Variants in TRABD2B observed in about 807,000 individuals in gnomAD.
TRABD2B encodes the protein TraB domain containing 2B.
TRABD2B carries 14 observed loss-of-function variants against 40.1 expected under a neutral mutation model. The observed-to-expected ratio is 0.35, with a 90% CI of 0.23 to 0.55. TRABD2B has a LOEUF of 0.55. TRABD2B is among the 20% of genes least tolerant of loss of function. The pLI, the probability that TRABD2B is intolerant of heterozygous loss-of-function variation, is 0.90. For missense variants in TRABD2B, 541 were observed against 648.6 expected (o/e 0.83, Z 1.80); for synonymous variants, 263 against 277.0 (o/e 0.95, Z 0.50).
chr1:47,938,050 G>T (rs970715207), intron 2 of TRABD2B, among the ~76,000 whole-genome samples: 1 of 152,170 alleles, frequency 6.6e-6, no homozygotes, highest in Non-Finnish European at 1.5e-5. Flanking sequence ...GCCGCAAATG[G>T]GGCCTAAATT....
At chr1:47,782,899 C>G (rs565246896) in intron 4 of TRABD2B, among the ~76,000 whole-genome samples, 2 of 152,326 alleles carry the variant, frequency 1.3e-5, no homozygotes, top group South Asian at 2.1e-4. Context: ...CTCCCCAGGT[C>G]TCCTGGCCAC....
chr1:47,992,663 G>GGATATTCA (rs1646029244), intron 2 of TRABD2B, among the ~76,000 whole-genome samples: 2 of 152,356 alleles, frequency 1.3e-5, no homozygotes, highest in South Asian at 2.1e-4. Flanking sequence ...AGCTCCCGAG[G>GGATATTCA]CTGGCAAGGG....
At chr1:47,980,190 CA>C (rs1487567202) in intron 2 of TRABD2B, among the ~76,000 whole-genome samples, 1 of 152,232 alleles carries the variant, frequency 6.6e-6, no homozygotes, top group East Asian at 1.9e-4. Context: ...TATATTCCTT[CA>C]ATCCGGATCA....
At chr1:47,797,672 C>T (rs1209997497) in intron 3 of TRABD2B, among the ~76,000 whole-genome samples, 2 of 152,136 alleles carry the variant, frequency 1.3e-5, no homozygotes, top group African/African-American at 4.8e-5. Flanking sequence ...GCATTCTCTG[C>T]ATGTTTCATG....
At chr1:47,948,765 C>CAA (rs1645296455) in intron 2 of TRABD2B, among the ~76,000 whole-genome samples, 1 of 152,124 alleles carries the variant, frequency 6.6e-6, no homozygotes, top group East Asian at 1.9e-4. Context: ...ATTCCTCCTT[C>CAA]AAAATTTCAA....
At chr1:47,926,564 C>A (rs915408654) in intron 2 of TRABD2B, among the ~76,000 whole-genome samples, 1 of 152,204 alleles carries the variant, frequency 6.6e-6, no homozygotes, top group Admixed American at 6.5e-5. Flanking sequence ...CCTCCCTTGG[C>A]ATCCACCTAG....
At chr1:47,918,693 GGAAA>G (rs5773972) in intron 2 of TRABD2B, among the ~76,000 whole-genome samples, 69,555 of 151,700 alleles carry the variant, frequency 0.46, 17,718 homozygotes, top group Middle Eastern at 0.61. Context: ...AGACGGGGAC[GGAAA>G]GAAAGGACTC....
intron 2 of TRABD2B, among the ~76,000 whole-genome samples, chr1:47,976,293 T>G (rs749752772): frequency 1.3e-5 from 2 of 152,184 alleles, no homozygotes; most frequent in African/African-American, 4.8e-5. Flanking sequence ...CCTGCAGGGT[T>G]TGTAGAAAAA....
At chr1:47,815,744 G>A (rs1645021642) in intron 2 of TRABD2B, among the ~76,000 whole-genome samples, 1 of 150,752 alleles carries the variant, frequency 6.6e-6, no homozygotes. Flanking sequence ...TGAGGGTTGT[G>A]TAAGAATGTG....
At chr1:47,784,658 GT>G (rs997550541) in intron 4 of TRABD2B, among the ~76,000 whole-genome samples, 3 of 152,138 alleles carry the variant, frequency 2.0e-5, no homozygotes, top group African/African-American at 4.8e-5. Context: ...CTATGGCGGT[GT>G]TTTTTTTCCT....
chr1:47,816,912 T>C lies in TRABD2B; in HGVS notation c.667-15293A>G, dbSNP rs12024792. On this transcript the variant is annotated intron_variant, in intron 2 of 6. Transcript: ENST00000606738. ...TTCCTGAGGTCACACAGCAAGTAAG[T>C]GGTGGATGAATGAAAATAGTCTAGC... Among the ~76,000 whole-genome samples, 2,910 of 152,224 alleles carry C rather than the reference T, an allele frequency of 0.019. 162 individuals carry two copies. The East Asian group carries it at 0.21, about 11-fold the overall frequency.
At chr1:47,796,703 T>C (rs181022092) in intron 3 of TRABD2B, among the ~76,000 whole-genome samples, 149 of 152,340 alleles carry the variant, frequency 9.8e-4, no homozygotes, top group African/African-American at 3.1e-3. Context: ...CCCCTAACCT[T>C]GTGCAGTGCG....
intron 6 of TRABD2B, among the ~76,000 whole-genome samples, chr1:47,772,603 C>T (rs527603649): frequency 1.3e-5 from 2 of 152,026 alleles, no homozygotes; most frequent in African/African-American, 4.8e-5. Flanking sequence ...AATGGGGTTT[C>T]GGAGGAGAAA....
Position 47,803,795 on chromosome 1 carries a change from C to T in TRABD2B, c.667-2176G>A, listed in dbSNP as rs138491898. Among the ~76,000 whole-genome samples the T allele has an allele frequency of 2.3e-3, 348 of 152,292 alleles. 1 individual carries two copies. The highest frequency in any genetic ancestry group is 7.7e-3 in the African/African-American group (320 of 41,558). On this transcript the variant is annotated intron_variant, in intron 2 of 6. Coordinates refer to ENST00000606738, the MANE Select transcript of TRABD2B (RefSeq NM_001194986.2). ...TGTGCCTGGTGAAGATAAAGTGTCA[C>T]TTCATTGTTTCTTTATTTCTTTGAC... is the stretch of plus-strand genomic sequence containing the variant.
At chr1:47,944,994 T>C (rs556739945) in intron 2 of TRABD2B, among the ~76,000 whole-genome samples, 1 of 147,206 alleles carries the variant, frequency 6.8e-6, no homozygotes, top group South Asian at 2.2e-4. Flanking sequence ...TGAAATGTGC[T>C]GCAGGACATG....
At chr1:47,850,161 C>T (rs1645528449) in intron 2 of TRABD2B, among the ~76,000 whole-genome samples, 1 of 152,238 alleles carries the variant, frequency 6.6e-6, no homozygotes, top group African/African-American at 2.4e-5. Flanking sequence ...GAGCTTTCCC[C>T]TAGTCACAAG....
intron 2 of TRABD2B, among the ~76,000 whole-genome samples, chr1:47,843,480 T>C (rs962910864): frequency 6.6e-6 from 1 of 151,464 alleles, no homozygotes; most frequent in Admixed American, 6.6e-5. Flanking sequence ...GGCTTGGGAG[T>C]AGGGGAAGAT....
Position 47,880,415 on chromosome 1 carries a change from T to C in TRABD2B, c.667-78796A>G, listed in dbSNP as rs1644285834. On this transcript the variant is annotated intron_variant, in intron 2 of 6. Transcript: ENST00000606738. ...TCAATTCCTTTTGGGTGAAGGTTTT[T>C]ATTTTTATTTTTTGAATCAGGAAAC... Among the ~76,000 whole-genome samples, 3 of 152,258 alleles carry C rather than the reference T, an allele frequency of 2.0e-5. No homozygotes were observed. In the South Asian group the frequency reaches 6.2e-4, roughly 31 times the overall value.
At chr1:47,900,226 T>G (rs1644581638) in intron 2 of TRABD2B, among the ~76,000 whole-genome samples, 1 of 152,070 alleles carries the variant, frequency 6.6e-6, no homozygotes, top group South Asian at 2.1e-4. Flanking sequence ...GTTGGAAGAT[T>G]GGGCTGGAGA....
Sources: gnomAD v4.1 joint callset for allele counts (sites outside exome capture counted in the v4.1 genomes callset) on GRCh38, gnomAD v4.1.1 for gene constraint, MANE v1.5 for transcripts, NCBI Gene and HGNC (gene_info 2026-07-23, HGNC 2026-07-21) for gene names.